Variants in RBFOX1 observed in about 807,000 individuals in gnomAD.
RBFOX1 encodes RNA binding protein fox-1 homolog 1.
RBFOX1 carries 8 observed loss-of-function variants against 57.7 expected under a neutral mutation model. That is an observed-to-expected ratio of 0.14 (90% CI 0.08 to 0.25). RBFOX1 has a LOEUF of 0.25. Among genes scored for constraint, RBFOX1 ranks in the 10% least tolerant of loss-of-function variants. RBFOX1 has a pLI of 1.00. For synonymous variants in RBFOX1, 326 were observed against 222.4 expected (o/e 1.47, Z -4.15); for missense variants, 611 against 548.5 (o/e 1.11, Z -1.14).
intron 1 of RBFOX1, among the ~76,000 whole-genome samples, chr16:6,278,707 A>G (rs2076085141): frequency 6.6e-6 from 1 of 152,160 alleles, no homozygotes; most frequent in South Asian, 2.1e-4. Flanking sequence ...TAAAGTATAA[A>G]TAAATCATAG....
chr16:7,192,830 A>T (rs9926144), intron 4 of RBFOX1, among the ~76,000 whole-genome samples: 28,892 of 152,166 alleles, frequency 0.19, 2,980 homozygotes, highest in East Asian at 0.38. Context: ...ATTGGAACAT[A>T]CAAAACACAC....
At chr16:5,734,018 C>T (rs575937924) in intron 3 of RBFOX1, among the ~76,000 whole-genome samples, 29 of 152,282 alleles carry the variant, frequency 1.9e-4, no homozygotes, top group African/African-American at 4.1e-4. Flanking sequence ...AAGAGAACTT[C>T]GTTGTCCATG....
chr16:7,224,002 A>G (rs1055038966), intron 4 of RBFOX1, among the ~76,000 whole-genome samples: 1 of 151,934 alleles, frequency 6.6e-6, no homozygotes, highest in African/African-American at 2.4e-5. Flanking sequence ...TAAGTACATA[A>G]GTAAAGTACA....
chr16:5,277,091 G>GTATA (rs34355548), intron 1 of RBFOX1, among the ~76,000 whole-genome samples: 28 of 151,112 alleles, frequency 1.9e-4, no homozygotes, highest in African/African-American at 5.3e-4. Context: ...TTTTTTATAT[G>GTATA]TATATATATA....
At chr16:7,151,584 C>G (rs1423675351) in intron 4 of RBFOX1, among the ~76,000 whole-genome samples, 1 of 152,066 alleles carries the variant, frequency 6.6e-6, no homozygotes, top group Non-Finnish European at 1.5e-5. Context: ...CAATTTTTTC[C>G]AGGGATGGGA....
chr16:7,304,770 G>C (rs1239319691), intron 4 of RBFOX1, among the ~76,000 whole-genome samples: 1 of 152,154 alleles, frequency 6.6e-6, no homozygotes, highest in Non-Finnish European at 1.5e-5. Flanking sequence ...CATCTTCCTT[G>C]TGTCAGTGCC....
At chr16:6,905,377 A>ACC (rs1228136427) in intron 3 of RBFOX1, among the ~76,000 whole-genome samples, 13 of 151,496 alleles carry the variant, frequency 8.6e-5, no homozygotes, top group Admixed American at 3.3e-4. Context: ...ACAAGGCAAA[A>ACC]CCCCACCTCT....
intron 3 of RBFOX1, among the ~76,000 whole-genome samples, chr16:6,954,420 G>T (rs534179656): frequency 3.0e-4 from 45 of 152,078 alleles, no homozygotes; most frequent in African/African-American, 9.6e-4. Flanking sequence ...TTAATGATTG[G>T]CATTTTTAAA....
chr16:5,250,428 C>G (rs887175605), intron 1 of RBFOX1, among the ~76,000 whole-genome samples: 5 of 152,108 alleles, frequency 3.3e-5, no homozygotes, highest in Admixed American at 3.3e-4. Context: ...CCCCTTGTCC[C>G]TCACCCCCGA....
chr16:6,796,190 A>G (rs1398835024), intron 3 of RBFOX1, among the ~76,000 whole-genome samples: 3 of 152,060 alleles, frequency 2.0e-5, no homozygotes, highest in Admixed American at 6.6e-5. Flanking sequence ...GGAAACTCCC[A>G]TTTTTTAAAC....
At chr16:6,038,226 G>C (rs928113423) in intron 1 of RBFOX1, 3 of 146,554 alleles carry the variant, frequency 2.0e-5, no homozygotes, top group Non-Finnish European at 4.5e-5. Context: ...CTGTCATCCA[G>C]GCTGGAGTGC....
chr16:6,831,282 C>G (rs546849925), intron 3 of RBFOX1, among the ~76,000 whole-genome samples: 23 of 152,286 alleles, frequency 1.5e-4, no homozygotes, highest in Admixed American at 5.9e-4. Flanking sequence ...GTCTTATAGT[C>G]CAAGATGTAA....
intron 2 of RBFOX1, among the ~76,000 whole-genome samples, chr16:6,385,074 TTCAAACTCTC>T (rs2152923268): frequency 6.6e-6 from 1 of 152,320 alleles, no homozygotes; most frequent in East Asian, 1.9e-4. Context: ...TCCAAAGCTT[TTCAAACTCTC>T]AGACTCTCAT....
intron 3 of RBFOX1, among the ~76,000 whole-genome samples, chr16:6,834,898 T>A (rs2141193890): frequency 6.7e-6 from 1 of 150,206 alleles, no homozygotes; most frequent in Non-Finnish European, 1.5e-5. Flanking sequence ...TCTATTTTTT[T>A]TTTTTTTTTT....
chr16:6,545,378 C>G (rs2096880566), intron 2 of RBFOX1, among the ~76,000 whole-genome samples: 1 of 152,178 alleles, frequency 6.6e-6, no homozygotes, highest in South Asian at 2.1e-4. Flanking sequence ...GGCCTCTTGC[C>G]TTTCTCTCCA....
chr16:6,206,968 A>C (rs1022240087), intron 1 of RBFOX1, among the ~76,000 whole-genome samples: 13 of 148,510 alleles, frequency 8.8e-5, no homozygotes, highest in African/African-American at 3.0e-4. Flanking sequence ...AGTGAACTGG[A>C]ATGTGATCAG....
At chr16:5,704,235 A>G (rs17138415) in intron 3 of RBFOX1, among the ~76,000 whole-genome samples, 20,359 of 152,194 alleles carry the variant, frequency 0.13, 1,828 homozygotes, top group East Asian at 0.34. Flanking sequence ...TGGATAAAAC[A>G]GTAATAATTT....
intron 4 of RBFOX1, among the ~76,000 whole-genome samples, chr16:5,992,673 T>C (rs779545204): frequency 7.2e-5 from 11 of 152,124 alleles, no homozygotes; most frequent in Non-Finnish European, 1.5e-5. Context: ...GTGGCTCACA[T>C]CTGTAATCCC....
chr16:7,375,987 C>T (rs2097679062), intron 4 of RBFOX1, among the ~76,000 whole-genome samples: 1 of 152,160 alleles, frequency 6.6e-6, no homozygotes, highest in African/African-American at 2.4e-5. Context: ...AAACCCCTAT[C>T]CCACAAGCCA....
Sources: gnomAD v4.1 joint callset for allele counts (sites outside exome capture counted in the v4.1 genomes callset) on GRCh38, gnomAD v4.1.1 for gene constraint, MANE v1.5 for transcripts, NCBI Gene and HGNC (gene_info 2026-07-23, HGNC 2026-07-21) for gene names.